WRN: variants seen among roughly 807,000 people sequenced by gnomAD.
The protein encoded by WRN is bifunctional 3'-5' exonuclease/ATP-dependent helicase WRN.
In WRN, 149 loss-of-function variants were observed where a neutral mutation model predicts 180.7. The observed-to-expected ratio is 0.82, with a 90% confidence interval of 0.72 to 0.94. WRN has a LOEUF of 0.94. WRN is among the 40% of genes least tolerant of loss of function. The pLI, the probability that WRN is intolerant of heterozygous loss-of-function variation, is 0.00. For synonymous variants in WRN, 548 were observed against 568.9 expected (o/e 0.96, Z 0.52); for missense variants, 1,661 against 1,700.1 (o/e 0.98, Z 0.40).
Position 31,120,318 on chromosome 8 carries a change from C to T in WRN, c.2524C>T (p.Pro842Ser), listed in dbSNP as rs1801675024. The change falls in exon 21 of 35, where the codon CCT becomes TCT. Residue 842 changes from proline to serine, a missense_variant. Physicochemically the swap from Pro to Ser is moderately conservative, Grantham distance 74 (BLOSUM62 -1). Coordinates refer to ENST00000298139, the MANE Select transcript of WRN (RefSeq NM_000553.6). Reference sequence around the variant, plus strand: ...TCGCCAAGTCATTCATTACGGTGCTCCTAAGGACATGGAATCATATTATCA... The same window carrying T: ...TCGCCAAGTCATTCATTACGGTGCTTCTAAGGACATGGAATCATATTATCA... ...DIRQVIHYGAPKDMESYYQEI... is the reference protein window; with the variant it reads ...DIRQVIHYGASKDMESYYQEI... 2 of 1,612,872 alleles carry T rather than the reference C, an allele frequency of 1.2e-6. No individual in the cohort carries two copies. Among genetic ancestry groups the T allele is most frequent in the Non-Finnish European group, 1.7e-6 (2 of 1,179,146 alleles).
At chr8:31,158,224 C>T (rs1405480157) in intron 33 of WRN, among the ~76,000 whole-genome samples, 1 of 152,068 alleles carries the variant, frequency 6.6e-6, no homozygotes, top group Non-Finnish European at 1.5e-5. Flanking sequence ...TCATTGGTTT[C>T]GCTTGAGTAG....
chr8:31,137,871 C>T (rs1029671670), intron 24 of WRN, among the ~76,000 whole-genome samples: 4 of 151,950 alleles, frequency 2.6e-5, no homozygotes, highest in Admixed American at 6.6e-5. Flanking sequence ...GACCGAGGCA[C>T]GAGGATCTCT....
intron 1 of WRN, among the ~76,000 whole-genome samples, chr8:31,045,015 C>T (rs1280493698): frequency 6.6e-6 from 1 of 152,184 alleles, no homozygotes; most frequent in Non-Finnish European, 1.5e-5. Flanking sequence ...ATGCCAGTTT[C>T]TTCTCTCGTA....
Position 31,125,971 on chromosome 8 carries a change from A to AATATATATATATATATATATATATATAT in WRN, c.2825+972_2825+999dup, listed in dbSNP as rs55952524. Among the ~76,000 whole-genome samples the AATATATATATATATATATATATATATAT allele has an allele frequency of 1.7e-4, 25 of 145,652 alleles. 1 individual carries two copies. Among genetic ancestry groups the AATATATATATATATATATATATATATAT allele is most frequent in the African/African-American group, 6.2e-4 (24 of 38,690 alleles). Reference sequence around the variant, plus strand: ...TCACAACCAAGAAGACATCATCCTAAATATATATATATATATATATATATA... The same window carrying AATATATATATATATATATATATATATAT: ...TCACAACCAAGAAGACATCATCCTAAATATATATATATATATATATATATATATATATATATATATATATATATATATA... On this transcript the variant is annotated intron_variant, in intron 23 of 34. Coordinates refer to ENST00000298139, the MANE Select transcript of WRN (RefSeq NM_000553.6).
At chr8:31,091,027 C>T in intron 15 of WRN, 85 bp downstream of exon 15, 1 of 1,041,454 alleles carries the variant, frequency 9.6e-7, no homozygotes, top group Non-Finnish European at 1.5e-6. Context: ...ATGTTAAAAT[C>T]TAGTTCACAA....
intron 24 of WRN, among the ~76,000 whole-genome samples, chr8:31,141,152 G>A (rs1363278720): frequency 6.6e-6 from 1 of 151,902 alleles, no homozygotes; most frequent in Non-Finnish European, 1.5e-5. Context: ...AAAGCTAAGT[G>A]TTCCAAACAC....
chr8:31,129,227 C>T (rs1350882141), intron 23 of WRN, among the ~76,000 whole-genome samples: 4 of 152,180 alleles, frequency 2.6e-5, no homozygotes, highest in African/African-American at 9.7e-5. Context: ...ATCAGTCCTC[C>T]TACTTCAGCC....
chr8:31,171,720 C>T (rs1472541278), intron 34 of WRN: 2 of 152,188 alleles, frequency 1.3e-5, no homozygotes, highest in African/African-American at 4.8e-5. Flanking sequence ...TATAAAGTTT[C>T]AGAGTCTTCT....
In WRN at chr8:31,076,301, T is replaced by A; in HGVS notation, c.839+14T>A. 2 of 330,010 alleles carry A rather than the reference T, an allele frequency of 6.1e-6. No homozygotes were observed. Among genetic ancestry groups the A allele is most frequent in the Non-Finnish European group, 9.1e-6 (2 of 219,340 alleles). 20.4% of individuals were successfully genotyped at this position (330,010 alleles called of 1,614,324 possible). ...AAACCCACGGAGGTTAAATATTACCTTTTTTTTTTTTAACTTAAATCAATT... is the reference window on the plus strand; with the variant it reads ...AAACCCACGGAGGTTAAATATTACCATTTTTTTTTTTAACTTAAATCAATT... On this transcript the variant is annotated intron_variant, in intron 8 of 34. Coordinates refer to ENST00000298139, the MANE Select transcript of WRN (RefSeq NM_000553.6).
At chr8:31,071,071 A>G (rs1350665349) in intron 7 of WRN, among the ~76,000 whole-genome samples, 1 of 150,948 alleles carries the variant, frequency 6.6e-6, no homozygotes, top group Non-Finnish European at 1.5e-5. Context: ...AAAGTTAGCT[A>G]GCTGAAGAGT....
intron 16 of WRN, among the ~76,000 whole-genome samples, chr8:31,094,114 G>T (rs944094525): frequency 6.6e-6 from 1 of 152,052 alleles, no homozygotes; most frequent in South Asian, 2.1e-4. Flanking sequence ...TATATATGAC[G>T]GAGCGGAATG....
rs757309929 is a variant in WRN at position 31,080,853 on chromosome 8, A to T, written c.840-14A>T. 7.6e-6 allele frequency: 12 copies of T among 1,580,990 alleles called. No individual in the cohort carries two copies. The highest frequency in any genetic ancestry group is 1.0e-5 in the Non-Finnish European group (12 of 1,161,742). On this transcript the variant is annotated splice_polypyrimidine_tract_variant and intron_variant, in intron 8 of 34. Transcript: ENST00000298139. ...AATTGAAGTTGAATTAATCTTTCTT[A>T]ATTTTTTTTTTAGGGTTTCTATCTT...
intron 11 of WRN, 21 bp from the exon 12 acceptor site, chr8:31,087,755 A>G: frequency 6.2e-7 from 1 of 1,610,702 alleles, no homozygotes; most frequent in Non-Finnish European, 8.5e-7. Flanking sequence ...TTTGCTTTTA[A>G]GATTTCTTTT....
chr8:31,071,330 A>C (rs181579058), intron 7 of WRN, among the ~76,000 whole-genome samples: 52 of 152,148 alleles, frequency 3.4e-4, no homozygotes, highest in Non-Finnish European at 6.0e-4. Flanking sequence ...AAAAATAAGA[A>C]CTTGGGCTCT....
At chr8:31,146,292 T>TA (rs1802854189) in intron 28 of WRN, among the ~76,000 whole-genome samples, 2 of 149,940 alleles carry the variant, frequency 1.3e-5, no homozygotes, top group South Asian at 4.2e-4. Context: ...TTTATATATA[T>TA]TTTTAATATA....
In WRN at chr8:31,154,704, A is replaced by G. The variant is rs755957592; in HGVS notation, c.3768A>G (p.Ser1256=). 2 of 1,613,630 alleles carry G rather than the reference A, an allele frequency of 1.2e-6. No individual in the cohort carries two copies. Among genetic ancestry groups the G allele is most frequent in the South Asian group, 1.1e-5 (1 of 91,074 alleles). Residue 1256 remains serine (S), a synonymous_variant, in exon 32 of 35, where the codon TCA becomes TCG. Coordinates refer to ENST00000298139, the MANE Select transcript of WRN (RefSeq NM_000553.6). ...LVAKNKICTL[S]QSMAITYSLF... Reference sequence around the variant, plus strand: ...CAAAAAATAAAATATGCACACTTTCACAGTCTATGGCCATCACATACTCTT... The same window carrying G: ...CAAAAAATAAAATATGCACACTTTCGCAGTCTATGGCCATCACATACTCTT...
intron 28 of WRN, among the ~76,000 whole-genome samples, chr8:31,146,489 C>T (rs1430760673): frequency 6.6e-6 from 1 of 151,808 alleles, no homozygotes; most frequent in Non-Finnish European, 1.5e-5. Context: ...TTCAATCTCT[C>T]ATTATTTGTT....
At chr8:31,082,432 G>A (rs1214324382) in intron 9 of WRN, among the ~76,000 whole-genome samples, 1 of 152,046 alleles carries the variant, frequency 6.6e-6, no homozygotes, top group African/African-American at 2.4e-5. Flanking sequence ...TTTTAAAATG[G>A]TTTTCAAAAT....
intron 24 of WRN, among the ~76,000 whole-genome samples, chr8:31,136,069 A>C (rs1802387031): frequency 6.6e-6 from 1 of 152,194 alleles, no homozygotes; most frequent in Non-Finnish European, 1.5e-5. Context: ...GCATGATCAT[A>C]GGTCACAGCA....
Sources: allele counts gnomAD v4.1 joint callset (sites outside exome capture counted in the v4.1 genomes callset), GRCh38; gene constraint gnomAD v4.1.1; transcripts MANE v1.5; gene names NCBI Gene and HGNC (gene_info 2026-07-23, HGNC 2026-07-21).